The following PPARGC1B variants were observed in gnomAD, a reference collection of about 807,000 sequenced individuals.
The protein encoded by PPARGC1B is PPARG coactivator 1 beta.
PPARGC1B carries 34 observed loss-of-function variants against 101.6 expected under a neutral mutation model. The ratio of observed to expected loss-of-function variants is 0.33; its 90% confidence interval spans 0.25 to 0.45. The LOEUF (loss-of-function observed/expected upper bound fraction) is 0.45, where lower values mean the gene tolerates loss of function less well. Ranked by LOEUF, PPARGC1B falls within the 20% of genes least tolerant of loss-of-function variation. The pLI is 1.00. For synonymous variants in PPARGC1B, 548 were observed against 539.3 expected (o/e 1.02, Z -0.22); for missense variants, 1,234 against 1,317.6 (o/e 0.94, Z 0.98).
At chr5:149,828,403 G>A (rs1349741362) in intron 3 of PPARGC1B, among the ~76,000 whole-genome samples, 1 of 152,172 alleles carries the variant, frequency 6.6e-6, no homozygotes, top group Admixed American at 6.5e-5. Flanking sequence ...GTTAATAATA[G>A]TGCCTATGTC....
Position 149,743,768 on chromosome 5 carries a change from C to T in PPARGC1B, c.78+13348C>T, listed in dbSNP as rs185463549. Among the ~76,000 whole-genome samples, 46 of 152,236 alleles carry T rather than the reference C, an allele frequency of 3.0e-4. No homozygotes were observed. The East Asian group carries it at 7.7e-3, about 26-fold the overall frequency. On this transcript the variant is annotated intron_variant, in intron 1 of 11. Transcript: ENST00000309241. ...TTGTCACCAAGATAAGTCTTGCACA[C>T]GAAGGATCAAAGGCAAACACTTTGT...
At position 149,777,922 on chromosome 5, in the gene PPARGC1B, T is replaced by TCACACA. The variant is rs58159275; in HGVS notation, c.79-42474_79-42469dup. Among the ~76,000 whole-genome samples, 5 of 11,610 alleles carry TCACACA rather than the reference T, an allele frequency of 4.3e-4. 1 individual carries two copies. The highest frequency in any genetic ancestry group is 2.7e-3 in the African/African-American group (5 of 1,868). 7.6% of individuals were successfully genotyped at this position (11,610 alleles called of 152,430 possible). On this transcript the variant is annotated intron_variant, in intron 1 of 11. Coordinates refer to ENST00000309241, the MANE Select transcript of PPARGC1B (RefSeq NM_133263.4). The stretch of plus-strand genomic sequence containing the variant: ...CCCGGCTGCTCATATCCATGTAGCA[T>TCACACA]CACACACACACACACACACACACAC...
chr5:149,812,842 G>A (rs1249915128), intron 1 of PPARGC1B, among the ~76,000 whole-genome samples: 3 of 152,220 alleles, frequency 2.0e-5, no homozygotes, highest in African/African-American at 7.2e-5. Context: ...TGCTTCCCTG[G>A]ATTGCCTGGG....
At position 149,826,331 on chromosome 5, in the gene PPARGC1B, G is replaced by T. The variant is rs564239072; in HGVS notation, c.253-342G>T. Among the ~76,000 whole-genome samples the T allele has an allele frequency of 1.2e-4, 19 of 152,268 alleles. No homozygotes were observed. The East Asian group carries it at 3.5e-3, about 28-fold the overall frequency. ...TGGTAGGCCAGCCTCTGTCCTTGGTGGGGGAGGTAGGCGTCACTCAGGTGG... is the reference window on the plus strand; with the variant it reads ...TGGTAGGCCAGCCTCTGTCCTTGGTTGGGGAGGTAGGCGTCACTCAGGTGG... On this transcript the variant is annotated intron_variant, in intron 2 of 11. Transcript: ENST00000309241.
At chr5:149,785,919 T>C (rs1400077439) in intron 1 of PPARGC1B, among the ~76,000 whole-genome samples, 2 of 151,244 alleles carry the variant, frequency 1.3e-5, no homozygotes, top group Non-Finnish European at 3.0e-5. Flanking sequence ...CTCATTCTTT[T>C]TTTTTTTTTT....
At position 149,837,080 on chromosome 5, in the gene PPARGC1B, A is replaced by T; in HGVS notation, c.2618+7A>T. ...CCACTCGAAGGAACTTCAGGTATGA[A>T]CAGGGGGCTGCAGGAGAGGCAGCGG... is the stretch of plus-strand genomic sequence containing the variant. On this transcript the variant is annotated splice_region_variant and intron_variant, in intron 8 of 11. Transcript: ENST00000309241. The surrounding 1 kb of genome is among the most constrained non-coding windows in gnomAD (Gnocchi z 4.2). 1 of 1,599,586 alleles carries T rather than the reference A, an allele frequency of 6.3e-7. No homozygotes were observed. The highest frequency in any genetic ancestry group is 8.5e-7 in the Non-Finnish European group (1 of 1,171,176).
intron 1 of PPARGC1B, among the ~76,000 whole-genome samples, chr5:149,750,134 C>T (rs1755233264): frequency 6.6e-6 from 1 of 151,958 alleles, no homozygotes; most frequent in South Asian, 2.1e-4. Context: ...GGATCATGTG[C>T]CTTAAACGAG....
At chr5:149,801,481 G>A (rs1757428056) in intron 1 of PPARGC1B, among the ~76,000 whole-genome samples, 1 of 152,252 alleles carries the variant, frequency 6.6e-6, no homozygotes, top group African/African-American at 2.4e-5. Flanking sequence ...ATCCTGTCAA[G>A]TGCCAGGGGT....
chr5:149,817,460 C>T (rs912366443), intron 1 of PPARGC1B, among the ~76,000 whole-genome samples: 3 of 152,188 alleles, frequency 2.0e-5, no homozygotes, highest in Non-Finnish European at 4.4e-5. Flanking sequence ...CTAGCCTGGG[C>T]AACAGAGCAG....
At chr5:149,735,420 G>A (rs534045518) in intron 1 of PPARGC1B, among the ~76,000 whole-genome samples, 7 of 152,312 alleles carry the variant, frequency 4.6e-5, no homozygotes, top group South Asian at 2.1e-4. Flanking sequence ...AGACTGGCTC[G>A]AGTGAGAAGC....
At position 149,758,883 on chromosome 5, in the gene PPARGC1B, A is replaced by C. The variant is rs545593152; in HGVS notation, c.78+28463A>C. Reference sequence around the variant, plus strand: ...TGGCCATTAGTTTCATACATTCCCAATAACGGTGGTTCATATAATCATATC... The same window carrying C: ...TGGCCATTAGTTTCATACATTCCCACTAACGGTGGTTCATATAATCATATC... On this transcript the variant is annotated intron_variant, in intron 1 of 11. Coordinates refer to ENST00000309241, the MANE Select transcript of PPARGC1B (RefSeq NM_133263.4). Among the ~76,000 whole-genome samples, 3 of 152,356 alleles carry C rather than the reference A, an allele frequency of 2.0e-5. No individual in the cohort carries two copies. The East Asian group carries it at 5.8e-4, about 29-fold the overall frequency.
At chr5:149,759,992 C>G (rs1755663813) in intron 1 of PPARGC1B, among the ~76,000 whole-genome samples, 1 of 152,222 alleles carries the variant, frequency 6.6e-6, no homozygotes, top group East Asian at 1.9e-4. Flanking sequence ...GCAAGGAGCT[C>G]CAGCGCTCCC....
At position 149,730,863 on chromosome 5, in the gene PPARGC1B, C is replaced by T. The variant is rs1754430221; in HGVS notation, c.78+443C>T. On this transcript the variant is annotated intron_variant, in intron 1 of 11. Coordinates refer to ENST00000309241, the MANE Select transcript of PPARGC1B (RefSeq NM_133263.4). This position sits in a 1 kb window ranked among gnomAD's most constrained non-coding sequence, Gnocchi z 4.0. Reference sequence around the variant, plus strand: ...GGTGCATGCCCGGGTCTCCGGAGTCCCCTAGTCCTCCAGGCTGTAGTCCCC... The same window carrying T: ...GGTGCATGCCCGGGTCTCCGGAGTCTCCTAGTCCTCCAGGCTGTAGTCCCC... Among the ~76,000 whole-genome samples the T allele has an allele frequency of 1.3e-5, 2 of 152,218 alleles. No homozygotes were observed. Among genetic ancestry groups the T allele is most frequent in the African/African-American group, 4.8e-5 (2 of 41,464 alleles).
chr5:149,758,692 C>T (rs112388515), intron 1 of PPARGC1B, among the ~76,000 whole-genome samples: 3,522 of 152,308 alleles, frequency 0.023, 58 homozygotes, highest in Middle Eastern at 0.051. Flanking sequence ...TGAGGCCAGC[C>T]CTGCCTGTGG....
At position 149,836,498 on chromosome 5, in the gene PPARGC1B, G is replaced by T; in HGVS notation, c.2043G>T (p.Gln681His). The T allele has an allele frequency of 6.2e-7, 1 of 1,614,088 alleles. No individual in the cohort carries two copies. Among genetic ancestry groups the T allele is most frequent in the Non-Finnish European group, 8.5e-7 (1 of 1,180,042 alleles). ...CCCAGCCAGCCTCCCAGGCTGGCCAGAAGCGTCCCTTCTCCTGTTCCTTTG... is the reference window on the plus strand; with the variant it reads ...CCCAGCCAGCCTCCCAGGCTGGCCATAAGCGTCCCTTCTCCTGTTCCTTTG... ...ATAQPASQAG[Q>H]KRPFSCSFGD... The change falls in exon 8 of 12, where the codon CAG becomes CAT. Residue 681 changes from glutamine to histidine, a missense_variant. Around this residue, in one of 3 missense-constraint regions of PPARGC1B, gnomAD observed 497 missense variants for 529.5 expected, o/e 0.94. Coordinates refer to ENST00000309241, the MANE Select transcript of PPARGC1B (RefSeq NM_133263.4).
chr5:149,784,111 C>A (rs1005260788), intron 1 of PPARGC1B, among the ~76,000 whole-genome samples: 4 of 152,024 alleles, frequency 2.6e-5, no homozygotes, highest in African/African-American at 9.7e-5. Context: ...ATCACCCCAA[C>A]CCCAGCCCTA....
In PPARGC1B at chr5:149,851,487, A is replaced by T. The variant is rs932756994; in HGVS notation, c.*3929A>T. ...GTCAAAATTGCAGTATTTTTTTAGC[A>T]TTTGAGATTTAGCAGCTGCCTTCAG... On this transcript the variant is annotated 3_prime_UTR_variant, in exon 12 of 12. Transcript: ENST00000309241. 6.6e-6 allele frequency: 1 copy of T among 152,206 alleles called. No individual in the cohort carries two copies. Among genetic ancestry groups the T allele is most frequent in the East Asian group, 1.9e-4 (1 of 5,200 alleles). The allele number at this position is 152,206 out of a possible 1,614,324, so 9.4% of individuals were successfully genotyped here. A position where few individuals can be genotyped will look rare whatever the true frequency, so the allele number is the denominator to read the frequency against.
At chr5:149,737,659 G>A (rs115906939) in intron 1 of PPARGC1B, among the ~76,000 whole-genome samples, 2,338 of 152,274 alleles carry the variant, frequency 0.015, 67 homozygotes, top group African/African-American at 0.054. Context: ...TAACCTTTCT[G>A]AGCTTCTGTT....
chr5:149,854,366 TCTGTGC>T lies in PPARGC1B; in HGVS notation c.*6814_*6819del. 1 of 151,644 alleles carries T rather than the reference TCTGTGC, an allele frequency of 6.6e-6. No individual in the cohort carries two copies. Among genetic ancestry groups the T allele is most frequent in the East Asian group, 1.9e-4 (1 of 5,140 alleles). The allele number at this position is 151,644 out of a possible 1,614,324, so 9.4% of individuals were successfully genotyped here. A position where few individuals can be genotyped will look rare whatever the true frequency, so the allele number is the denominator to read the frequency against. ...GTGTATCTGTGCACACATACACACG[TCTGTGC>T]CTGTGTGTGTGTGTTTGTGTGTGTG... On this transcript the variant is annotated 3_prime_UTR_variant, in exon 12 of 12. Transcript: ENST00000309241.
Sources: gnomAD v4.1 joint callset for allele counts (sites outside exome capture counted in the v4.1 genomes callset) on GRCh38, gnomAD v4.1.1 for gene constraint, gnomAD v4.1.1 regional missense constraint, Gnocchi (gnomAD v3.1) non-coding constraint, MANE v1.5 for transcripts, NCBI Gene and HGNC (gene_info 2026-07-23, HGNC 2026-07-21) for gene names.